Variants in SERINC5 observed in about 807,000 individuals in gnomAD.
The protein encoded by SERINC5 is chromosome 5 open reading frame 12.
In SERINC5, 41 loss-of-function variants were observed where a neutral mutation model predicts 63.1. That is an observed-to-expected ratio of 0.65 (90% CI 0.51 to 0.84). The LOEUF (loss-of-function observed/expected upper bound fraction) is 0.84. Among genes scored for constraint, SERINC5 ranks in the 40% least tolerant of loss-of-function variants. The pLI, the probability that SERINC5 is intolerant of heterozygous loss-of-function variation, is 0.00. For missense variants in SERINC5, 523 were observed against 573.0 expected (o/e 0.91, Z 0.89); for synonymous variants, 222 against 215.2 (o/e 1.03, Z -0.28).
chr5:80,242,743 C>T (rs530300440), intron 1 of SERINC5, among the ~76,000 whole-genome samples: 3 of 151,816 alleles, frequency 2.0e-5, no homozygotes, highest in South Asian at 2.1e-4. Flanking sequence ...GAGTGAGACT[C>T]CATCTAAAAA....
intron 1 of SERINC5, among the ~76,000 whole-genome samples, chr5:80,231,708 C>A (rs1424935488): frequency 2.6e-5 from 4 of 151,912 alleles, no homozygotes; most frequent in African/African-American, 7.3e-5. Flanking sequence ...GATAATTCAA[C>A]TGGGAAAGAA....
intron 10 of SERINC5, among the ~76,000 whole-genome samples, chr5:80,146,565 G>C (rs558971309): frequency 2.6e-5 from 4 of 152,268 alleles, no homozygotes; most frequent in African/African-American, 9.6e-5. Flanking sequence ...CGATTCTCCT[G>C]CCTCAGCCTC....
rs1304182898 is a variant in SERINC5 at position 80,138,851 on chromosome 5, T to TGA, written c.*4811_*4812insTC. 6.1e-6 allele frequency: 6 copies of TGA among 980,854 alleles called. No homozygotes were observed. The highest frequency in any genetic ancestry group is 7.3e-6 in the Non-Finnish European group (6 of 825,948). The allele number at this position is 980,854 out of a possible 1,614,324, so 60.8% of individuals were successfully genotyped here. A position where few individuals can be genotyped will look rare whatever the true frequency, so the allele number is the denominator to read the frequency against. Reference sequence around the variant, plus strand: ...CTGCAAAACAACTAACTTGAGTACTTTAATTATATATGTATCTAGCAGAAG... The same window carrying TGA: ...CTGCAAAACAACTAACTTGAGTACTTGATAATTATATATGTATCTAGCAGAAG... On this transcript the variant is annotated 3_prime_UTR_variant, in exon 12 of 12. Transcript: ENST00000507668.
At chr5:80,146,272 ATG>A in intron 10 of SERINC5, 38 bp from the exon 11 acceptor site, 3 of 1,611,520 alleles carry the variant, frequency 1.9e-6, no homozygotes, top group Admixed American at 1.7e-5. Flanking sequence ...CAATGAGTGA[ATG>A]TGTGTGTTTA....
chr5:80,178,251 G>T (rs1748172731), intron 2 of SERINC5, among the ~76,000 whole-genome samples, 187 bp from the exon 3 acceptor site: 1 of 152,090 alleles, frequency 6.6e-6, no homozygotes. Flanking sequence ...TAAAGATACA[G>T]TGATCATAAA....
chr5:80,183,740 A>C (rs903744855), intron 2 of SERINC5, among the ~76,000 whole-genome samples: 1 of 151,702 alleles, frequency 6.6e-6, no homozygotes, highest in African/African-American at 2.4e-5. Flanking sequence ...CTTTGACTGT[A>C]ATTTTCCATT....
At chr5:80,181,304 T>G (rs931320324) in intron 2 of SERINC5, among the ~76,000 whole-genome samples, 1 of 152,144 alleles carries the variant, frequency 6.6e-6, no homozygotes, top group Non-Finnish European at 1.5e-5. Flanking sequence ...TGGAGTGCAG[T>G]GGCGCAATCT....
chr5:80,143,453 T>C lies in SERINC5; in HGVS notation c.*210A>G. 1 of 1,322,816 alleles carries C rather than the reference T, an allele frequency of 7.6e-7. No homozygotes were observed. Among genetic ancestry groups the C allele is most frequent in the African/African-American group, 1.5e-5 (1 of 67,328 alleles). 81.9% of individuals were successfully genotyped at this position (1,322,816 alleles called of 1,614,324 possible). On this transcript the variant is annotated 3_prime_UTR_variant, in exon 12 of 12. Coordinates refer to ENST00000507668, the MANE Select transcript of SERINC5 (RefSeq NM_001174072.3). ...GATATTTCAACCATGATCAGTTTGG[T>C]TGAAAATTTCAATTCCTTTGGGACA...
Position 80,139,274 on chromosome 5 carries a change from C to A in SERINC5, c.*4389G>T. On this transcript the variant is annotated 3_prime_UTR_variant, in exon 12 of 12. Coordinates refer to ENST00000507668, the MANE Select transcript of SERINC5 (RefSeq NM_001174072.3). Reference sequence around the variant, plus strand: ...AAATCTTTAATAAAGGAAAACAAAACAATCCTCTTAAATTTCTTATAAATA... The same window carrying A: ...AAATCTTTAATAAAGGAAAACAAAAAAATCCTCTTAAATTTCTTATAAATA... 1 of 974,030 alleles carries A rather than the reference C, an allele frequency of 1.0e-6. No homozygotes were observed. The highest frequency in any genetic ancestry group is 1.2e-6 in the Non-Finnish European group (1 of 819,702). The allele number at this position is 974,030 out of a possible 1,614,324, so 60.3% of individuals were successfully genotyped here.
intron 8 of SERINC5, among the ~76,000 whole-genome samples, chr5:80,153,071 G>A (rs1398108983): frequency 6.6e-6 from 1 of 152,130 alleles, no homozygotes; most frequent in Non-Finnish European, 1.5e-5. Flanking sequence ...CCTAACATGG[G>A]GAAGCTTTTG....
intron 1 of SERINC5, among the ~76,000 whole-genome samples, chr5:80,218,714 G>A (rs1461344549): frequency 6.6e-6 from 1 of 150,430 alleles, no homozygotes; most frequent in African/African-American, 2.4e-5. Flanking sequence ...AACAGCTACA[G>A]GCTGTGCTAT....
chr5:80,245,973 A>C (rs1752152508), intron 1 of SERINC5, among the ~76,000 whole-genome samples: 1 of 151,160 alleles, frequency 6.6e-6, no homozygotes, highest in Non-Finnish European at 1.5e-5. Flanking sequence ...TTTAAAAAAA[A>C]AAAAAAAAAA....
downstream of SERINC5, among the ~76,000 whole-genome samples, chr5:80,134,118 G>A (rs1470110098): frequency 6.6e-6 from 1 of 152,186 alleles, no homozygotes; most frequent in Non-Finnish European, 1.5e-5. Flanking sequence ...TGTTAGTCCT[G>A]CAAAGGCAGT....
intron 2 of SERINC5, among the ~76,000 whole-genome samples, chr5:80,187,671 G>C (rs1473923562): frequency 6.6e-6 from 1 of 152,182 alleles, no homozygotes; most frequent in South Asian, 2.1e-4. Flanking sequence ...GGTTATCTGA[G>C]CATTTTTAAT....
In SERINC5 at chr5:80,140,880, G is replaced by C; in HGVS notation, c.*2783C>G. ...AAATGTGTCTGACCAGCAGCTTCTG[G>C]GAATATACTCTTTAGGTCATGTACA... On this transcript the variant is annotated 3_prime_UTR_variant, in exon 12 of 12. Coordinates refer to ENST00000507668, the MANE Select transcript of SERINC5 (RefSeq NM_001174072.3). The C allele has an allele frequency of 1.0e-6, 1 of 985,222 alleles. No individual in the cohort carries two copies. The highest frequency in any genetic ancestry group is 1.2e-6 in the Non-Finnish European group (1 of 829,880). 61.0% of individuals were successfully genotyped at this position (985,222 alleles called of 1,614,324 possible).
intron 2 of SERINC5, among the ~76,000 whole-genome samples, chr5:80,193,631 T>C (rs1312851911): frequency 6.6e-6 from 1 of 152,232 alleles, no homozygotes; most frequent in Admixed American, 6.5e-5. Flanking sequence ...AAGCTCATTA[T>C]TACTGGACCA....
intron 11 of SERINC5, among the ~76,000 whole-genome samples, chr5:80,121,690 G>A (rs1342723994): frequency 6.6e-6 from 1 of 152,132 alleles, no homozygotes; most frequent in Admixed American, 6.5e-5. Context: ...TTGCCTTATG[G>A]TTCTGCAGGC....
chr5:80,149,211 C>T (rs1224299468), intron 9 of SERINC5, among the ~76,000 whole-genome samples: 1 of 152,180 alleles, frequency 6.6e-6, no homozygotes, highest in Non-Finnish European at 1.5e-5. Flanking sequence ...ACTCTGTACA[C>T]AATAGGGACA....
chr5:80,233,182 T>A (rs73129765), intron 1 of SERINC5, among the ~76,000 whole-genome samples: 48,617 of 152,140 alleles, frequency 0.32, 7,965 homozygotes, highest in Middle Eastern at 0.41. Flanking sequence ...TCCCAGCACT[T>A]TGGGAGGCCA....
Sources: allele counts gnomAD v4.1 joint callset (sites outside exome capture counted in the v4.1 genomes callset), GRCh38; gene constraint gnomAD v4.1.1; transcripts MANE v1.5; gene names NCBI Gene and HGNC (gene_info 2026-07-23, HGNC 2026-07-21).